CABIN1: variants seen among roughly 807,000 people sequenced by gnomAD.
CABIN1 encodes calcineurin binding protein 1, also known as calcineurin-binding protein cabin-1.
CABIN1 carries 133 observed loss-of-function variants against 227.7 expected under a neutral mutation model. The observed-to-expected ratio is 0.58, with a 90% CI of 0.51 to 0.67. CABIN1 has a LOEUF of 0.67. Among genes scored for constraint, CABIN1 ranks in the 30% least tolerant of loss-of-function variants. The pLI is 0.00. For missense variants in CABIN1, 2,408 were observed against 2,852.5 expected (o/e 0.84, Z 3.55); for synonymous variants, 1,086 against 1,155.1 (o/e 0.94, Z 1.21).
intron 29 of CABIN1, among the ~76,000 whole-genome samples, chr22:24,158,732 G>T (rs565453512): frequency 6.6e-6 from 1 of 152,066 alleles, no homozygotes; most frequent in Admixed American, 6.5e-5. Flanking sequence ...TGCTCTCCTA[G>T]CCCATTACTT....
At chr22:24,110,474 C>A (rs1443256655) in intron 26 of CABIN1, among the ~76,000 whole-genome samples, 2 of 152,140 alleles carry the variant, frequency 1.3e-5, no homozygotes, top group Non-Finnish European at 2.9e-5. Flanking sequence ...TTTATATTTA[C>A]CATAACTTTA....
In CABIN1 at chr22:24,059,942, A is replaced by G. The variant is rs761901199; in HGVS notation, c.1418A>G (p.Glu473Gly). The change falls in exon 12 of 37, where the codon GAG becomes GGG. Residue 473 changes from glutamate to glycine, a missense_variant. Transcript: ENST00000263119. The part of the protein sequence containing the change: ...FMESEKQDVH[E>G]FLLENLTNGG... The stretch of plus-strand genomic sequence containing the variant: ...CGGGCAGAAAAGCAGGACGTGCATG[A>G]GTTCCTGCTGGAGAACCTAACCAAC... 2 of 1,614,118 alleles carry G rather than the reference A, an allele frequency of 1.2e-6. No homozygotes were observed. Among genetic ancestry groups the G allele is most frequent in the African/African-American group, 2.7e-5 (2 of 74,934 alleles).
chr22:24,171,166 A>G (rs1345338565), intron 33 of CABIN1, among the ~76,000 whole-genome samples: 1 of 152,184 alleles, frequency 6.6e-6, no homozygotes, highest in Non-Finnish European at 1.5e-5. Flanking sequence ...GCCAGGCTGC[A>G]GGGAGAGGCC....
At chr22:24,063,311 A>G (rs2039338287) in intron 14 of CABIN1, among the ~76,000 whole-genome samples, 165 bp downstream of exon 14, 1 of 152,048 alleles carries the variant, frequency 6.6e-6, no homozygotes. Context: ...TGGCATGAGA[A>G]AGTGTGACAC....
chr22:24,176,044 A>G, intron 34 of CABIN1, 67 bp from the exon 35 acceptor site: 3 of 1,544,658 alleles, frequency 1.9e-6, no homozygotes, highest in Non-Finnish European at 2.6e-6. Flanking sequence ...ATAGGACCTG[A>G]CACAGATGCG....
intron 29 of CABIN1, among the ~76,000 whole-genome samples, chr22:24,160,809 G>T (rs1194201530): frequency 6.6e-6 from 1 of 152,218 alleles, no homozygotes; most frequent in Non-Finnish European, 1.5e-5. Context: ...CAGCCCTCCT[G>T]CCCCCAGGCA....
chr22:24,067,307 C>T, intron 16 of CABIN1, 126 bp downstream of exon 16: 1 of 961,272 alleles, frequency 1.0e-6, no homozygotes, highest in Non-Finnish European at 1.6e-6. Flanking sequence ...ATGTCAAAAC[C>T]ACTAAGCCCC....
chr22:24,017,468 A>G (rs920330302), intron 1 of CABIN1, among the ~76,000 whole-genome samples: 1 of 152,196 alleles, frequency 6.6e-6, no homozygotes, highest in African/African-American at 2.4e-5. Flanking sequence ...CTCTGTATCC[A>G]TTAAACAGGA....
chr22:24,028,789 A>G (rs979808243), intron 1 of CABIN1, among the ~76,000 whole-genome samples: 1 of 152,094 alleles, frequency 6.6e-6, no homozygotes, highest in African/African-American at 2.4e-5. Flanking sequence ...GAAACCACTC[A>G]TGTACTCACT....
chr22:24,170,153 G>C (rs1267557149), intron 33 of CABIN1: 2 of 458,778 alleles, frequency 4.4e-6, no homozygotes, highest in Non-Finnish European at 8.8e-6. Flanking sequence ...GGGGCGCCTT[G>C]GTATCTGCCG....
At chr22:24,138,807 T>A (rs1167121132) in intron 29 of CABIN1, among the ~76,000 whole-genome samples, 2 of 152,304 alleles carry the variant, frequency 1.3e-5, no homozygotes, top group East Asian at 3.9e-4. Context: ...TATGTCAAAA[T>A]GTTATTGGAC....
At chr22:24,080,816 T>C (rs2040757214) in intron 19 of CABIN1, among the ~76,000 whole-genome samples, 1 of 152,206 alleles carries the variant, frequency 6.6e-6, no homozygotes, top group Admixed American at 6.5e-5. Context: ...ATTGCTTCTA[T>C]TAATTTTAGT....
rs369978674 is a variant in CABIN1, at chr22:24,167,212, T to C, written c.5581T>C (p.Leu1861=). Residue 1861 remains leucine, a synonymous_variant, in exon 32 of 37, where the codon TTG becomes CTG. Coordinates refer to ENST00000263119, the MANE Select transcript of CABIN1 (RefSeq NM_012295.4). ...CACAGAGTCAGGCAAGACACTTCTG[T>C]TGGATGCCTACCGTGTGTGGCAGCA... The part of the protein sequence containing the change: ...EDTESGKTLL[L]DAYRVWQQGQ... 1,524 of 1,612,914 alleles carry C rather than the reference T, an allele frequency of 9.4e-4. 25 individuals are homozygous for C. The South Asian group carries it at 0.016, about 17-fold the overall frequency.
chr22:24,115,357 T>G (rs1388363445), intron 27 of CABIN1, among the ~76,000 whole-genome samples: 2 of 152,144 alleles, frequency 1.3e-5, no homozygotes, highest in African/African-American at 4.8e-5. Flanking sequence ...CTCCTTCCAT[T>G]AGAGCCAGTG....
At position 24,152,099 on chromosome 22, in the gene CABIN1, G is replaced by A. The variant is rs571927107; in HGVS notation, c.4747-12301G>A. ...ACCAGGTGCCGCATGTGCCGTCCCC[G>A]TGGATGTGCACGTGATCCAGGCACA... On this transcript the variant is annotated intron_variant, in intron 29 of 36. Transcript: ENST00000263119. Among the ~76,000 whole-genome samples, 12 of 152,356 alleles carry A rather than the reference G, an allele frequency of 7.9e-5. No homozygotes were observed. The South Asian group carries it at 1.7e-3, about 21-fold the overall frequency.
At chr22:24,125,113 T>G (rs1021770551) in intron 28 of CABIN1, among the ~76,000 whole-genome samples, 5 of 152,128 alleles carry the variant, frequency 3.3e-5, no homozygotes, top group Admixed American at 1.3e-4. Context: ...AGATGAGGTA[T>G]GAGGAGTAGC....
chr22:24,177,625 C>T lies in CABIN1; in HGVS notation c.6327C>T (p.Ala2109=), dbSNP rs115707715. Residue 2109 remains alanine (A), a synonymous_variant, in exon 36 of 37, where the codon GCC becomes GCT. Coordinates refer to ENST00000263119, the MANE Select transcript of CABIN1 (RefSeq NM_012295.4). The surrounding 1 kb of genome is among the most constrained non-coding windows in gnomAD (Gnocchi z 4.4). ...CCAAGGCCCCCAGCAGTGGGAGTGC[C>T]CAGCCACCAGAGGGTCACCCAGGCA... is the stretch of plus-strand genomic sequence containing the variant. ...ASSKAPSSGS[A]QPPEGHPGKP... 7,594 of 1,613,362 alleles carry T rather than the reference C, an allele frequency of 4.7e-3. 286 individuals carry two copies. The African/African-American group carries it at 0.088, about 19-fold the overall frequency.
At chr22:24,063,182 C>T in intron 14 of CABIN1, 36 bp downstream of exon 14, 1 of 1,607,406 alleles carries the variant, frequency 6.2e-7, no homozygotes, top group Non-Finnish European at 8.5e-7. Context: ...GGAGCATGCC[C>T]TGACACCCAG....
rs946928771 is a variant in CABIN1 at position 24,177,332 on chromosome 22, C to T, written c.6206-172C>T. 6.6e-6 allele frequency among the ~76,000 whole-genome samples: 1 copy of T among 152,176 alleles called. No individual in the cohort carries two copies. The highest frequency in any genetic ancestry group is 1.5e-5 in the Non-Finnish European group (1 of 68,026). On this transcript the variant is annotated intron_variant, in intron 35 of 36. Coordinates refer to ENST00000263119, the MANE Select transcript of CABIN1 (RefSeq NM_012295.4). This position sits in a 1 kb window ranked among gnomAD's most constrained non-coding sequence, Gnocchi z 4.4. ...ACAGCTCAGAGCCAGAGTTGGGTCCCTGCAGGCCTGAGCCAAGTATTTGCC... is the reference window on the plus strand; with the variant it reads ...ACAGCTCAGAGCCAGAGTTGGGTCCTTGCAGGCCTGAGCCAAGTATTTGCC...
Sources: allele counts gnomAD v4.1 joint callset (sites outside exome capture counted in the v4.1 genomes callset), GRCh38; gene constraint gnomAD v4.1.1; non-coding constraint Gnocchi (gnomAD v3.1); transcripts MANE v1.5; gene names NCBI Gene and HGNC (gene_info 2026-07-23, HGNC 2026-07-21).